NME7: variants seen among roughly 807,000 people sequenced by gnomAD.
The protein encoded by NME7 is NME/NM23 family member 7.
NME7 carries 41 observed loss-of-function variants against 49.1 expected under a neutral mutation model. The observed-to-expected ratio is 0.83, with a 90% CI of 0.65 to 1.08. The LOEUF (loss-of-function observed/expected upper bound fraction) is 1.08, where lower values mean the gene tolerates loss of function less well. NME7 is among the 50% of genes least tolerant of loss of function. NME7 has a pLI of 0.00. For synonymous variants in NME7, 139 were observed against 150.6 expected, an observed-to-expected ratio of 0.92 and a Z score of 0.56; for missense variants, 423 against 463.4, an observed-to-expected ratio of 0.91 and a Z score of 0.80.
intron 9 of NME7, among the ~76,000 whole-genome samples, chr1:169,232,912 CTTTTTTTTT>C (rs10545228): frequency 1.3e-5 from 1 of 74,528 alleles, no homozygotes; most frequent in Non-Finnish European, 2.5e-5. Context: ...GTTTTCTTTT[CTTTTTTTTT>C]TTTTTTTTTT....
intron 7 of NME7, chr1:169,284,205 G>T (rs1571355017): frequency 1.3e-5 from 2 of 151,904 alleles, no homozygotes; most frequent in Non-Finnish European, 2.9e-5. Context: ...TTGATCTTCA[G>T]TCACTGACAT....
intron 11 of NME7, among the ~76,000 whole-genome samples, chr1:169,156,224 C>T (rs538702300): frequency 1.3e-5 from 2 of 151,336 alleles, no homozygotes; most frequent in Non-Finnish European, 2.9e-5. Context: ...GAGGAGGGAT[C>T]ACTTGAGCCT....
intron 3 of NME7, among the ~76,000 whole-genome samples, chr1:169,316,147 T>C (rs1030787367): frequency 1.3e-5 from 2 of 152,026 alleles, no homozygotes; most frequent in Non-Finnish European, 2.9e-5. Flanking sequence ...AACAAATGTT[T>C]AGGTAAATCT....
intron 9 of NME7, among the ~76,000 whole-genome samples, chr1:169,234,883 G>C (rs938724235): frequency 1.3e-5 from 2 of 152,108 alleles, no homozygotes; most frequent in African/African-American, 2.4e-5. Context: ...ATGGATGAAA[G>C]ACAGAGAAAA....
chr1:169,253,612 G>A (rs921126510), intron 7 of NME7, among the ~76,000 whole-genome samples: 1 of 152,144 alleles, frequency 6.6e-6, no homozygotes, highest in African/African-American at 2.4e-5. Context: ...GAATAGGAGT[G>A]GTGAGAGAGG....
intron 1 of NME7, among the ~76,000 whole-genome samples, chr1:169,338,135 C>G (rs1652552906): frequency 6.6e-6 from 1 of 152,066 alleles, no homozygotes; most frequent in South Asian, 2.1e-4. Context: ...AGTTAGCTAT[C>G]CTATTTCACT....
Position 169,154,545 on chromosome 1 carries a change from C to G in NME7, c.1098+14902G>C, listed in dbSNP as rs181045228. 2.8e-4 allele frequency among the ~76,000 whole-genome samples: 42 copies of G among 152,216 alleles called. No homozygotes were observed. In the East Asian group the frequency reaches 7.7e-3, roughly 28 times the overall value. On this transcript the variant is annotated intron_variant, in intron 11 of 11. Transcript: ENST00000367811. Reference sequence around the variant, plus strand: ...ATCAGAGGCCAAGCACGGTGGCTCACACCTGTAATCCCAGCACTTTGGGAG... The same window carrying G: ...ATCAGAGGCCAAGCACGGTGGCTCAGACCTGTAATCCCAGCACTTTGGGAG...
chr1:169,160,559 C>T (rs1659214999), intron 11 of NME7, among the ~76,000 whole-genome samples: 1 of 151,960 alleles, frequency 6.6e-6, no homozygotes, highest in Admixed American at 6.6e-5. Context: ...CACTCATCAT[C>T]AAATACATTA....
At position 169,230,756 on chromosome 1, in the gene NME7, T is replaced by C; in HGVS notation, c.952A>G (p.Thr318Ala). The change falls in exon 10 of 12, where the codon ACA becomes GCA. Residue 318 changes from threonine (T) to alanine (A), a missense_variant. Thr to Ala is a moderately conservative substitution (Grantham distance 58, BLOSUM62 0). Transcript: ENST00000367811. ...VAMEIQQNNATKTFREFCGPA... is the reference protein window; with the variant it reads ...VAMEIQQNNAAKTFREFCGPA... ...CCACAAAATTCTCGAAATGTCTTTGTAGCATTATTCTGTTGAATCTCCATT... is the reference window on the plus strand; with the variant it reads ...CCACAAAATTCTCGAAATGTCTTTGCAGCATTATTCTGTTGAATCTCCATT... 3 of 1,606,308 alleles carry C rather than the reference T, an allele frequency of 1.9e-6. No individual in the cohort carries two copies. Among genetic ancestry groups the C allele is most frequent in the Non-Finnish European group, 2.5e-6 (3 of 1,176,714 alleles).
intron 10 of NME7, among the ~76,000 whole-genome samples, chr1:169,212,299 G>C (rs139176683): frequency 1.3e-3 from 202 of 151,894 alleles, no homozygotes; most frequent in Non-Finnish European, 2.3e-3. Context: ...TTAATAAATT[G>C]CTATTAAATA....
At chr1:169,278,761 T>G (rs1200393831) in intron 7 of NME7, among the ~76,000 whole-genome samples, 1 of 152,222 alleles carries the variant, frequency 6.6e-6, no homozygotes, top group Non-Finnish European at 1.5e-5. Context: ...AGAGGCACTC[T>G]GCTTTTTAGA....
intron 10 of NME7, among the ~76,000 whole-genome samples, chr1:169,197,560 A>G (rs1189273214): frequency 1.3e-5 from 2 of 152,184 alleles, no homozygotes. Context: ...AAATATATAC[A>G]TCCACTTTCA....
intron 10 of NME7, among the ~76,000 whole-genome samples, chr1:169,227,180 C>G (rs557606015): frequency 6.6e-6 from 1 of 152,164 alleles, no homozygotes; most frequent in East Asian, 1.9e-4. Flanking sequence ...GATCGTGAAC[C>G]TGCTCACTCC....
chr1:169,166,625 G>T (rs1571257943), intron 11 of NME7, among the ~76,000 whole-genome samples: 1 of 152,282 alleles, frequency 6.6e-6, no homozygotes, highest in East Asian at 1.9e-4. Context: ...GTCACTGAAA[G>T]TCCCACTTGC....
At chr1:169,319,434 A>G (rs1274726172) in intron 3 of NME7, among the ~76,000 whole-genome samples, 1 of 152,208 alleles carries the variant, frequency 6.6e-6, no homozygotes, top group Non-Finnish European at 1.5e-5. Flanking sequence ...GGCTGTATTT[A>G]AAAATTCAAA....
intron 3 of NME7, 43 bp from the exon 4 acceptor site, chr1:169,310,123 A>G (rs748723370): frequency 7.5e-6 from 9 of 1,201,004 alleles, no homozygotes; most frequent in Admixed American, 6.1e-5. Context: ...AAAATAGTTC[A>G]ACAGTTTTTA....
At chr1:169,217,741 T>C (rs1339334469) in intron 10 of NME7, among the ~76,000 whole-genome samples, 1 of 152,196 alleles carries the variant, frequency 6.6e-6, no homozygotes, top group Admixed American at 6.5e-5. Flanking sequence ...TCCCCTTTGA[T>C]ATATTTAGGA....
At chr1:169,315,324 G>A (rs960830814) in intron 3 of NME7, among the ~76,000 whole-genome samples, 3 of 150,396 alleles carry the variant, frequency 2.0e-5, no homozygotes, top group African/African-American at 4.9e-5. Context: ...GAGTGCAGTG[G>A]TGCCATCTCA....
intron 11 of NME7, among the ~76,000 whole-genome samples, chr1:169,149,695 T>G (rs567465156): frequency 6.6e-6 from 1 of 152,200 alleles, no homozygotes; most frequent in Non-Finnish European, 1.5e-5. Context: ...TTAAGTACTG[T>G]ATTCATCCTT....
Sources: gnomAD v4.1 joint callset for allele counts (sites outside exome capture counted in the v4.1 genomes callset) on GRCh38, gnomAD v4.1.1 for gene constraint, MANE v1.5 for transcripts, NCBI Gene and HGNC (gene_info 2026-07-23, HGNC 2026-07-21) for gene names.